Variants in UNC13C observed in about 807,000 individuals in gnomAD.
The protein encoded by UNC13C is unc-13 homolog C.
Under a neutral mutation model 245.4 loss-of-function variants are expected in UNC13C, and 174 were observed. That is an observed-to-expected ratio of 0.71 (90% CI 0.63 to 0.80). The LOEUF is 0.80. UNC13C is among the 30% of genes least tolerant of loss of function. UNC13C has a pLI of 0.00. For missense variants in UNC13C, 2,829 were observed against 2,602.9 expected, an observed-to-expected ratio of 1.09 and a Z score of -1.89; for synonymous variants, 992 against 895.1, an observed-to-expected ratio of 1.11 and a Z score of -1.93.
At chr15:54,414,520 G>A (rs533213564) in intron 18 of UNC13C, among the ~76,000 whole-genome samples, 4 of 152,112 alleles carry the variant, frequency 2.6e-5, no homozygotes, top group African/African-American at 4.8e-5. Context: ...GGTGGCACAC[G>A]CCTGTAATCC....
chr15:54,128,149 C>T (rs1232801770), intron 2 of UNC13C, among the ~76,000 whole-genome samples: 1 of 152,166 alleles, frequency 6.6e-6, no homozygotes, highest in African/African-American at 2.4e-5. Flanking sequence ...AAATCAAGAA[C>T]ACAATCCCAT....
chr15:53,980,995 C>T (rs4776199), intron 1 of UNC13C, among the ~76,000 whole-genome samples: 18,874 of 152,044 alleles, frequency 0.12, 1,508 homozygotes, highest in East Asian at 0.29. Context: ...CAAAACACAC[C>T]AAATGTATGT....
intron 10 of UNC13C, among the ~76,000 whole-genome samples, chr15:54,289,610 A>G (rs1181309246): frequency 6.6e-6 from 1 of 152,088 alleles, no homozygotes; most frequent in East Asian, 1.9e-4. Flanking sequence ...CTGAGAGATT[A>G]TTTGTAGACT....
intron 2 of UNC13C, among the ~76,000 whole-genome samples, chr15:54,022,207 T>C (rs1895930581): frequency 6.6e-6 from 1 of 152,228 alleles, no homozygotes. Context: ...ACCAACAATG[T>C]ACAAGAATTT....
At chr15:53,881,459 T>G in the UNC13C span, among the ~76,000 whole-genome samples, 1 of 152,242 alleles carries the variant, frequency 6.6e-6, no homozygotes. Flanking sequence ...AAAGAAGTTC[T>G]GCTTAAGCAC....
the UNC13C span, among the ~76,000 whole-genome samples, chr15:53,894,012 A>G: frequency 6.6e-6 from 1 of 152,156 alleles, no homozygotes; most frequent in African/African-American, 2.4e-5. Context: ...GGTTGTGAAG[A>G]CCATGGGAAA....
Position 54,179,067 on chromosome 15 carries a change from A to C in UNC13C, c.3071+35383A>C, listed in dbSNP as rs186612867. 2.0e-5 allele frequency among the ~76,000 whole-genome samples: 3 copies of C among 152,264 alleles called. No individual in the cohort carries two copies. The South Asian group carries it at 6.2e-4, about 32-fold the overall frequency. On this transcript the variant is annotated intron_variant, in intron 4 of 32. Coordinates refer to ENST00000260323, the MANE Select transcript of UNC13C (RefSeq NM_001080534.3). ...GAAGCTTGGAACATGCCTGAATAACATGAATGAAGCACCAACCCAGCCAAT... is the reference window on the plus strand; with the variant it reads ...GAAGCTTGGAACATGCCTGAATAACCTGAATGAAGCACCAACCCAGCCAAT...
At chr15:54,270,521 G>GTAT (rs1191341813) in intron 10 of UNC13C, among the ~76,000 whole-genome samples, 1 of 152,044 alleles carries the variant, frequency 6.6e-6, no homozygotes, top group African/African-American at 2.4e-5. Flanking sequence ...AATGATAGCT[G>GTAT]TATTATTATT....
chr15:54,048,915 T>C, intron 2 of UNC13C: 1 of 274,988 alleles, frequency 3.6e-6, no homozygotes, highest in Non-Finnish European at 7.2e-6. Flanking sequence ...ATTGGAATAA[T>C]ACCACACTGT....
chr15:54,256,112 T>C (rs1423226723), intron 8 of UNC13C, among the ~76,000 whole-genome samples: 1 of 152,208 alleles, frequency 6.6e-6, no homozygotes, highest in Non-Finnish European at 1.5e-5. Flanking sequence ...TTTTTAAAAC[T>C]TCCCTGGGCA....
At chr15:54,016,312 A>G (rs977154972) in intron 2 of UNC13C, among the ~76,000 whole-genome samples, 6 of 152,328 alleles carry the variant, frequency 3.9e-5, no homozygotes, top group African/African-American at 1.4e-4. Flanking sequence ...CTTAAAAAAA[A>G]ATGTGAAAAG....
At chr15:54,008,580 C>G (rs934117612) in intron 1 of UNC13C, among the ~76,000 whole-genome samples, 13 of 152,144 alleles carry the variant, frequency 8.5e-5, no homozygotes, top group African/African-American at 3.1e-4. Context: ...GTTAAAATAT[C>G]TAGAGAGTAA....
chr15:54,334,672 T>C (rs1296624422), intron 16 of UNC13C, among the ~76,000 whole-genome samples: 1 of 152,150 alleles, frequency 6.6e-6, no homozygotes, highest in Non-Finnish European at 1.5e-5. Context: ...TTAAAATTCA[T>C]TTGGTTTAAA....
At chr15:54,060,677 A>T (rs541431830) in intron 2 of UNC13C, among the ~76,000 whole-genome samples, 143 of 152,200 alleles carry the variant, frequency 9.4e-4, no homozygotes, top group Middle Eastern at 3.4e-3. Flanking sequence ...ACGTATGTTT[A>T]TTGCGGCACT....
the UNC13C span, among the ~76,000 whole-genome samples, chr15:53,933,000 C>T: frequency 0.012 from 1,893 of 152,286 alleles, 19 homozygotes; most frequent in Non-Finnish European, 0.022. Flanking sequence ...CCCAGGAATA[C>T]AGGATTCATT....
chr15:54,630,253 C>T (rs573980896), downstream of UNC13C: 17 of 152,266 alleles, frequency 1.1e-4, no homozygotes, highest in Non-Finnish European at 1.9e-4. Context: ...AATTTGAATG[C>T]ATTAAGTAAT....
chr15:54,018,542 T>C (rs770694257), intron 2 of UNC13C, among the ~76,000 whole-genome samples: 12 of 149,822 alleles, frequency 8.0e-5, no homozygotes, highest in Non-Finnish European at 1.5e-4. Flanking sequence ...GACCTTAGAG[T>C]GTGTGTAGCC....
intron 1 of UNC13C, among the ~76,000 whole-genome samples, chr15:53,989,091 G>A (rs1241604177): frequency 1.3e-5 from 2 of 151,898 alleles, no homozygotes; most frequent in African/African-American, 4.8e-5. Context: ...TTAAATAGAT[G>A]CCATGCTTGG....
chr15:53,889,655 T>G, the UNC13C span, among the ~76,000 whole-genome samples: 2 of 152,202 alleles, frequency 1.3e-5, no homozygotes, highest in African/African-American at 2.4e-5. Flanking sequence ...ATGCTTCCAA[T>G]TTTTGCCCAT....
Sources: allele counts gnomAD v4.1 joint callset (sites outside exome capture counted in the v4.1 genomes callset), GRCh38; gene constraint gnomAD v4.1.1; transcripts MANE v1.5; gene names NCBI Gene and HGNC (gene_info 2026-07-23, HGNC 2026-07-21).